Variants in HS6ST1 observed in about 807,000 individuals in gnomAD.
HS6ST1 encodes heparan sulfate 6-O-sulfotransferase 1.
Under a neutral mutation model 25.2 loss-of-function variants are expected in HS6ST1, and 3 were observed. The ratio of observed to expected loss-of-function variants is 0.12; its 90% CI spans 0.05 to 0.31. The LOEUF is 0.31. Ranked by LOEUF, HS6ST1 falls within the 10% of genes least tolerant of loss-of-function variation. The pLI, the probability that HS6ST1 is intolerant of heterozygous loss-of-function variation, is 1.00. For synonymous variants in HS6ST1, 204 were observed against 275.1 expected, an observed-to-expected ratio of 0.74 and a Z score of 2.56; for missense variants, 310 against 609.6, an observed-to-expected ratio of 0.51 and a Z score of 5.18.
At chr2:128,302,253 G>C (rs536524830) in intron 1 of HS6ST1, among the ~76,000 whole-genome samples, 56 of 152,308 alleles carry the variant, frequency 3.7e-4, no homozygotes, top group African/African-American at 1.3e-3. Flanking sequence ...CTGCTAAACT[G>C]GGGACCTTGA....
At chr2:128,303,947 C>T (rs1694170017) in intron 1 of HS6ST1, among the ~76,000 whole-genome samples, 1 of 152,220 alleles carries the variant, frequency 6.6e-6, no homozygotes, top group Non-Finnish European at 1.5e-5. Flanking sequence ...CTCAACAGAA[C>T]AGGAAGGTGG....
chr2:128,301,219 C>T (rs927385875), intron 1 of HS6ST1, among the ~76,000 whole-genome samples: 12 of 151,276 alleles, frequency 7.9e-5, no homozygotes, highest in African/African-American at 2.9e-4. Context: ...CAGGGGTTCC[C>T]GGGGGCTGCG....
rs1247105098 is a variant in HS6ST1, at chr2:128,271,789, G to A, written c.528-2919C>T. Reference sequence around the variant, plus strand: ...TGGGCACGAGGGCCCCGATTGACCCGAGGGCTTTCCCCTCCTGGGAGGAAC... The same window carrying A: ...TGGGCACGAGGGCCCCGATTGACCCAAGGGCTTTCCCCTCCTGGGAGGAAC... On this transcript the variant is annotated intron_variant, in intron 1 of 1. Transcript: ENST00000259241. Among the ~76,000 whole-genome samples the A allele has an allele frequency of 7.9e-5, 12 of 152,322 alleles. No homozygotes were observed. In the East Asian group the frequency reaches 1.4e-3, roughly 17 times the overall value.
intron 1 of HS6ST1, among the ~76,000 whole-genome samples, chr2:128,277,177 C>T (rs775139418): frequency 4.6e-5 from 7 of 152,156 alleles, no homozygotes; most frequent in Non-Finnish European, 1.0e-4. Flanking sequence ...CTCATTGCTG[C>T]CAACCTGATG....
At chr2:128,293,435 T>A (rs1331611885) in intron 1 of HS6ST1, among the ~76,000 whole-genome samples, 1 of 152,252 alleles carries the variant, frequency 6.6e-6, no homozygotes. Flanking sequence ...TGCCACCACC[T>A]GCTGGGCACT....
chr2:128,277,300 G>A (rs1693710281), intron 1 of HS6ST1, among the ~76,000 whole-genome samples: 2 of 152,188 alleles, frequency 1.3e-5, no homozygotes, highest in Admixed American at 1.3e-4. Flanking sequence ...CCTGCTGCAT[G>A]GCCCCCACAG....
intron 1 of HS6ST1, among the ~76,000 whole-genome samples, chr2:128,315,134 T>C (rs1056455267): frequency 1.1e-4 from 17 of 152,166 alleles, no homozygotes; most frequent in African/African-American, 3.9e-4. Flanking sequence ...CTGGCTGATG[T>C]CGGCAGATGA....
rs879117191 is a variant in HS6ST1, at chr2:128,268,444, C to T, written c.954G>A (p.Gln318=). The T allele has an allele frequency of 1.2e-6, 2 of 1,613,600 alleles. No individual in the cohort carries two copies. Among genetic ancestry groups the T allele is most frequent in the Non-Finnish European group, 8.5e-7 (1 of 1,179,844 alleles). The change falls in exon 2 of 2, where the codon CAG becomes CAA. Residue 318 remains glutamine (Q), a synonymous_variant. Coordinates refer to ENST00000259241, the MANE Select transcript of HS6ST1 (RefSeq NM_004807.3). ...FNLKFIRPFM[Q]YNSTRAGGVE... is the part of the protein sequence containing the mutation. ...CGCCGCCCGCCCGCGTGCTATTGTA[C>T]TGCATGAAGGGCCGGATGAACTTGA...
chr2:128,268,430 C>T lies in HS6ST1; in HGVS notation c.968G>A (p.Arg323Gln), dbSNP rs761325768. The change falls in exon 2 of 2, where the codon CGG becomes CAG. Residue 323 changes from arginine (R) to glutamine (Q), a missense_variant. Arg to Gln is a conservative substitution (Grantham distance 43). Coordinates refer to ENST00000259241, the MANE Select transcript of HS6ST1 (RefSeq NM_004807.3). Reference protein sequence around the residue: ...IRPFMQYNSTRAGGVEVDEDT... With the variant: ...IRPFMQYNSTQAGGVEVDEDT... ...TTCATCCACCTCCACGCCGCCCGCC[C>T]GCGTGCTATTGTACTGCATGAAGGG... 13 of 1,613,526 alleles carry T rather than the reference C, an allele frequency of 8.1e-6. No individual in the cohort carries two copies. Among genetic ancestry groups the T allele is most frequent in the South Asian group, 1.1e-5 (1 of 91,084 alleles).
At chr2:128,310,006 C>A (rs137908064) in intron 1 of HS6ST1, among the ~76,000 whole-genome samples, 9 of 152,342 alleles carry the variant, frequency 5.9e-5, no homozygotes, top group South Asian at 2.1e-4. Flanking sequence ...ACTGCCACCC[C>A]CCTTTTAGAG....
At chr2:128,317,891 A>T (rs1694398185) in intron 1 of HS6ST1, 146 bp downstream of exon 1, 3 of 938,392 alleles carry the variant, frequency 3.2e-6, no homozygotes, top group Non-Finnish European at 2.9e-6. Flanking sequence ...GGCGCTCGGC[A>T]GGTCGGGAGG....
At chr2:128,314,159 AAAG>A (rs1054377508) in intron 1 of HS6ST1, among the ~76,000 whole-genome samples, 12 of 152,158 alleles carry the variant, frequency 7.9e-5, no homozygotes, top group Admixed American at 7.8e-4. Context: ...CCTTGATCTC[AAAG>A]AAGAAAGCGA....
chr2:128,268,038 A>G lies in HS6ST1; in HGVS notation c.*124T>C. ...CATCCCTGCTCTGTTTTTTTTCAGG[A>G]CGCAGCTACCTCTGTGGAGCAGGTT... On this transcript the variant is annotated 3_prime_UTR_variant, in exon 2 of 2. Transcript: ENST00000259241. 1.4e-6 allele frequency: 1 copy of G among 706,498 alleles called. No individual in the cohort carries two copies. Among genetic ancestry groups the G allele is most frequent in the South Asian group, 1.7e-5 (1 of 57,686 alleles). 43.8% of individuals were successfully genotyped at this position (706,498 alleles called of 1,614,324 possible). A position where few individuals can be genotyped will look rare whatever the true frequency, so the allele number is the denominator to read the frequency against.
intron 1 of HS6ST1, among the ~76,000 whole-genome samples, chr2:128,292,592 G>C (rs1033668141): frequency 6.6e-6 from 1 of 152,168 alleles, no homozygotes; most frequent in African/African-American, 2.4e-5. Flanking sequence ...CCAGGCTCAC[G>C]GGGAGGCTGT....
intron 1 of HS6ST1, among the ~76,000 whole-genome samples, chr2:128,270,527 T>G (rs1299569962): frequency 6.6e-6 from 1 of 152,108 alleles, no homozygotes; most frequent in East Asian, 1.9e-4. Context: ...AGGTAGCAGG[T>G]GAGACAAACG....
In HS6ST1 at chr2:128,318,534, G is replaced by A. The variant is rs1451643117; in HGVS notation, c.30C>T (p.Thr10=). 9.3e-6 allele frequency: 14 copies of A among 1,502,952 alleles called. No homozygotes were observed. In the South Asian group the frequency reaches 1.7e-4, roughly 19 times the overall value. 93.1% of individuals were successfully genotyped at this position (1,502,952 alleles called of 1,614,324 possible). A position where few individuals can be genotyped will look rare whatever the true frequency, so the allele number is the denominator to read the frequency against. MRRRRAGGR[T]MVERASKFVL... ...CGAACTTGCTGGCGCGCTCAACCAT[G>A]GTCCTGCCGCCGGCGCGCCGCCGCC... The change falls in exon 1 of 2, where the codon ACC becomes ACT. Residue 10 remains threonine, a synonymous_variant. Coordinates refer to ENST00000259241, the MANE Select transcript of HS6ST1 (RefSeq NM_004807.3). This position sits in a 1 kb window ranked among gnomAD's most constrained non-coding sequence, Gnocchi z 5.7.
intron 1 of HS6ST1, among the ~76,000 whole-genome samples, chr2:128,293,537 G>C (rs111910207): frequency 1.3e-5 from 2 of 152,228 alleles, no homozygotes; most frequent in African/African-American, 2.4e-5. Flanking sequence ...GTTGGAAGGA[G>C]AGCAGCAGCA....
At chr2:128,295,944 T>C (rs1412307475) in intron 1 of HS6ST1, among the ~76,000 whole-genome samples, 1 of 152,228 alleles carries the variant, frequency 6.6e-6, no homozygotes, top group East Asian at 1.9e-4. Context: ...ATCTCCAACG[T>C]GATGGCATTT....
At position 128,290,976 on chromosome 2, in the gene HS6ST1, T is replaced by C. The variant is rs1410616968; in HGVS notation, c.528-22106A>G. On this transcript the variant is annotated intron_variant, in intron 1 of 1. Coordinates refer to ENST00000259241, the MANE Select transcript of HS6ST1 (RefSeq NM_004807.3). ...CAGCCTGGGCAAAAGAGTGAAACTG[T>C]CTCAAATTAAAAAAAAAAGTTCCTT... Among the ~76,000 whole-genome samples, 5 of 151,594 alleles carry C rather than the reference T, an allele frequency of 3.3e-5. No individual in the cohort carries two copies. In the East Asian group the frequency reaches 9.6e-4, roughly 29 times the overall value.
Sources: gnomAD v4.1 joint callset for allele counts (sites outside exome capture counted in the v4.1 genomes callset) on GRCh38, gnomAD v4.1.1 for gene constraint, Gnocchi (gnomAD v3.1) non-coding constraint, MANE v1.5 for transcripts, NCBI Gene and HGNC (gene_info 2026-07-23, HGNC 2026-07-21) for gene names.